Variants in NRXN3 observed in about 807,000 individuals in gnomAD.
NRXN3 encodes neurexin III.
A neutral mutation model predicts 137.6 loss-of-function variants in NRXN3; 32 were observed. The ratio of observed to expected loss-of-function variants is 0.23; its 90% confidence interval spans 0.18 to 0.31. The LOEUF is 0.31. NRXN3 is among the 10% of genes least tolerant of loss of function. The pLI is 1.00. For synonymous variants in NRXN3, 798 were observed against 784.5 expected, an observed-to-expected ratio of 1.02 and a Z score of -0.29; for missense variants, 1,574 against 2,062.5, an observed-to-expected ratio of 0.76 and a Z score of 4.59.
At chr14:78,440,202 G>T (rs2094198704) in intron 4 of NRXN3, among the ~76,000 whole-genome samples, 1 of 152,212 alleles carries the variant, frequency 6.6e-6, no homozygotes, top group Admixed American at 6.5e-5. Flanking sequence ...TTAATCATTT[G>T]TTTATTTTGT....
intron 16 of NRXN3, among the ~76,000 whole-genome samples, chr14:79,663,441 T>G (rs989764605): frequency 7.9e-5 from 12 of 152,258 alleles, no homozygotes; most frequent in African/African-American, 2.2e-4. Flanking sequence ...GTGTACTCTC[T>G]TAGTAAACAG....
intron 19 of NRXN3, among the ~76,000 whole-genome samples, chr14:79,762,082 G>A (rs1340611357): frequency 6.6e-6 from 1 of 151,604 alleles, no homozygotes; most frequent in Non-Finnish European, 1.5e-5. Flanking sequence ...TGGAAACAAG[G>A]TTAGGGGGAA....
intron 16 of NRXN3, among the ~76,000 whole-genome samples, chr14:79,532,647 G>A (rs1195088903): frequency 2.6e-5 from 4 of 152,118 alleles, no homozygotes; most frequent in Non-Finnish European, 5.9e-5. Flanking sequence ...AGTTAGAGAA[G>A]TACCATAGGT....
At chr14:78,946,812 G>A (rs570013484) in intron 10 of NRXN3, among the ~76,000 whole-genome samples, 2 of 152,254 alleles carry the variant, frequency 1.3e-5, no homozygotes, top group African/African-American at 4.8e-5. Flanking sequence ...GGCCAGGCTT[G>A]CTGTATTAAG....
At chr14:78,228,157 CTTT>C (rs1156767557) in intron 1 of NRXN3, among the ~76,000 whole-genome samples, 4 of 130,474 alleles carry the variant, frequency 3.1e-5, no homozygotes, top group Admixed American at 7.8e-5. Flanking sequence ...AATTTTCTTT[CTTT>C]TTTTTTTTTT....
intron 20 of NRXN3, among the ~76,000 whole-genome samples, chr14:79,836,034 C>T (rs2099341704): frequency 6.6e-6 from 1 of 152,096 alleles, no homozygotes; most frequent in Non-Finnish European, 1.5e-5. Context: ...CAGTTTTGTG[C>T]AGTTGATTTC....
At chr14:79,163,866 T>C (rs1231221298) in intron 15 of NRXN3, among the ~76,000 whole-genome samples, 1 of 151,384 alleles carries the variant, frequency 6.6e-6, no homozygotes, top group Non-Finnish European at 1.5e-5. Context: ...TTTCTAAAAA[T>C]AATTGTTATA....
At chr14:78,701,444 G>C (rs1209955687) in intron 6 of NRXN3, among the ~76,000 whole-genome samples, 1 of 152,202 alleles carries the variant, frequency 6.6e-6, no homozygotes, top group Non-Finnish European at 1.5e-5. Flanking sequence ...GCTTACAGCT[G>C]TCTCTCTTTT....
chr14:79,639,127 C>A (rs1412893534), intron 16 of NRXN3, among the ~76,000 whole-genome samples: 1 of 151,828 alleles, frequency 6.6e-6, no homozygotes, highest in Non-Finnish European at 1.5e-5. Context: ...TGCACACATC[C>A]AAAGAGATAA....
intron 11 of NRXN3, among the ~76,000 whole-genome samples, chr14:78,958,591 C>G (rs995270380): frequency 1.7e-4 from 26 of 152,076 alleles, no homozygotes; most frequent in African/African-American, 2.7e-4. Context: ...TCCTGACCTC[C>G]TGATCCACCC....
intron 15 of NRXN3, among the ~76,000 whole-genome samples, chr14:79,255,350 A>G (rs1348694279): frequency 6.6e-6 from 1 of 152,202 alleles, no homozygotes; most frequent in African/African-American, 2.4e-5. Context: ...GATGATAGCT[A>G]ATAGGTACTG....
chr14:79,326,678 TG>T (rs1489863081), intron 15 of NRXN3, among the ~76,000 whole-genome samples: 2 of 152,188 alleles, frequency 1.3e-5, no homozygotes, highest in East Asian at 3.9e-4. Context: ...AACTCTTCTT[TG>T]AAATAAATAT....
At chr14:79,091,796 G>A (rs978200850) in intron 15 of NRXN3, among the ~76,000 whole-genome samples, 2 of 152,006 alleles carry the variant, frequency 1.3e-5, no homozygotes, top group Non-Finnish European at 2.9e-5. Flanking sequence ...CATTTACCAA[G>A]TAGGAACAAA....
At chr14:78,971,049 A>G (rs945258771) in intron 14 of NRXN3, among the ~76,000 whole-genome samples, 8 of 152,214 alleles carry the variant, frequency 5.3e-5, no homozygotes, top group Admixed American at 2.0e-4. Context: ...AAATGGCCCA[A>G]AATGGGTTAA....
At chr14:78,634,307 G>A (rs552119344) in intron 4 of NRXN3, among the ~76,000 whole-genome samples, 3 of 152,292 alleles carry the variant, frequency 2.0e-5, no homozygotes, top group Non-Finnish European at 4.4e-5. Context: ...AGGAGGAATT[G>A]GCAACTTTAG....
intron 15 of NRXN3, among the ~76,000 whole-genome samples, chr14:79,441,630 G>T (rs8004710): frequency 0.32 from 48,383 of 151,336 alleles, 7,990 homozygotes; most frequent in South Asian, 0.47. Flanking sequence ...TCTGCCCGCC[G>T]CGGCCTCCCA....
At chr14:79,254,820 T>C (rs1368004157) in intron 15 of NRXN3, among the ~76,000 whole-genome samples, 5 of 139,406 alleles carry the variant, frequency 3.6e-5, no homozygotes, top group African/African-American at 8.3e-5. Context: ...CTCCCTCCCT[T>C]CCTTCTTTCC....
At chr14:79,855,622 T>C (rs1024870053) in intron 20 of NRXN3, among the ~76,000 whole-genome samples, 9 of 152,122 alleles carry the variant, frequency 5.9e-5, no homozygotes, top group Admixed American at 2.6e-4. Context: ...ATTCTATTAT[T>C]TAAAATAGCC....
chr14:78,770,219 G>A (rs2098722588), intron 8 of NRXN3, among the ~76,000 whole-genome samples: 1 of 152,160 alleles, frequency 6.6e-6, no homozygotes, highest in African/African-American at 2.4e-5. Flanking sequence ...CTCACCCAGG[G>A]TCGCCCAGCG....
Sources: allele counts gnomAD v4.1 joint callset (sites outside exome capture counted in the v4.1 genomes callset), GRCh38; gene constraint gnomAD v4.1.1; transcripts MANE v1.5; gene names NCBI Gene and HGNC (gene_info 2026-07-23, HGNC 2026-07-21).